The following PHF8 variants were observed in gnomAD, a reference collection of about 807,000 sequenced individuals.
PHF8 encodes histone lysine demethylase PHF8.
A neutral mutation model predicts 74.4 loss-of-function variants in PHF8; 9 were observed. The ratio of observed to expected loss-of-function variants is 0.12; its 90% CI spans 0.07 to 0.21. The LOEUF (loss-of-function observed/expected upper bound fraction) is 0.21, where lower values mean the gene tolerates loss of function less well. PHF8 is among the 10% of genes least tolerant of loss of function. PHF8 has a pLI of 1.00. For missense variants in PHF8, 478 were observed against 816.6 expected (o/e 0.59, Z 5.05); for synonymous variants, 311 against 316.6 (o/e 0.98, Z 0.19).
At chrX:54,016,759 G>A in intron 5 of PHF8, 23 bp from the exon 6 acceptor site, 1 of 1,174,754 alleles carries the variant, frequency 8.5e-7, no homozygotes, top group Non-Finnish European at 1.2e-6. Context: ...GATAGGTTCT[G>A]CACCAAGTAG....
At chrX:54,024,872 T>TTTTA (rs1399401622) in intron 2 of PHF8, among the ~76,000 whole-genome samples, 4 of 111,606 alleles carry the variant, frequency 3.6e-5, no homozygotes, top group Non-Finnish European at 5.6e-5. Flanking sequence ...TTTTTTAAAT[T>TTTTA]TTTATTTATT....
intron 4 of PHF8, among the ~76,000 whole-genome samples, chrX:54,019,965 A>G (rs1204096999): frequency 1.8e-5 from 2 of 109,479 alleles, no homozygotes; most frequent in Non-Finnish European, 3.8e-5. Flanking sequence ...CGGGTGGATC[A>G]CCTGAAGTCA....
intron 8 of PHF8, among the ~76,000 whole-genome samples, chrX:54,006,718 C>G (rs1557105420): frequency 9.0e-6 from 1 of 110,576 alleles, no homozygotes; most frequent in Non-Finnish European, 1.9e-5. Context: ...GGTGGATCAC[C>G]TGAGGTCTAG....
At chrX:54,023,052 T>G (rs2066204049) in intron 2 of PHF8, among the ~76,000 whole-genome samples, 1 of 112,135 alleles carries the variant, frequency 8.9e-6, no homozygotes, top group Admixed American at 9.5e-5. Flanking sequence ...CATGGCTCAC[T>G]GCAACCTCTG....
At chrX:54,047,277 G>T (rs1016506455), upstream of PHF8, among the ~76,000 whole-genome samples, 28 of 112,238 alleles carry the variant, frequency 2.5e-4, no homozygotes, top group African/African-American at 9.1e-4. Context: ...AGTGAAAGGG[G>T]TGTGAGTTCA....
intron 2 of PHF8, among the ~76,000 whole-genome samples, chrX:54,035,254 G>A (rs1259062613): frequency 9.2e-6 from 1 of 108,294 alleles, no homozygotes; most frequent in Non-Finnish European, 1.9e-5. Flanking sequence ...CTACTCGGGA[G>A]GCTAAGGTGG....
At chrX:53,957,174 G>A (rs181057495) in intron 19 of PHF8, among the ~76,000 whole-genome samples, 1,074 of 101,408 alleles carry the variant, frequency 0.011, 15 homozygotes, top group African/African-American at 0.04. Flanking sequence ...GTGAAATGCC[G>A]TCTCTACTAA....
chrX:54,046,107 C>T (rs1557117452), upstream of PHF8, among the ~76,000 whole-genome samples: 1 of 111,024 alleles, frequency 9.0e-6, no homozygotes, highest in Non-Finnish European at 1.9e-5. Flanking sequence ...CACCACCACA[C>T]TCGGTTATTT....
At chrX:54,020,568 A>G (rs1557109571) in intron 4 of PHF8, among the ~76,000 whole-genome samples, 1 of 112,254 alleles carries the variant, frequency 8.9e-6, no homozygotes, top group African/African-American at 3.2e-5. Context: ...TGTCAAAAAA[A>G]GGAATTAAAA....
intron 19 of PHF8, among the ~76,000 whole-genome samples, chrX:53,952,952 T>C (rs2064951449): frequency 9.4e-6 from 1 of 106,244 alleles, no homozygotes; most frequent in Admixed American, 1.0e-4. Context: ...TGGTATAAAT[T>C]AAGTTGTTAA....
At chrX:53,995,109 C>A (rs1557102421) in intron 12 of PHF8, 2 of 334,837 alleles carry the variant, frequency 6.0e-6, no homozygotes, top group African/African-American at 5.3e-5. Flanking sequence ...AACCAGAACC[C>A]AGGTTTCTCT....
At chrX:54,029,638 T>C (rs1557112126) in intron 2 of PHF8, among the ~76,000 whole-genome samples, 2 of 112,032 alleles carry the variant, frequency 1.8e-5, no homozygotes, top group East Asian at 2.8e-4. Flanking sequence ...CCCACACAAG[T>C]ACCCTGGGGC....
chrX:54,011,390 A>G, intron 7 of PHF8, 106 bp from the exon 8 acceptor site: 2 of 655,015 alleles, frequency 3.1e-6, no homozygotes, highest in Non-Finnish European at 4.9e-6. Context: ...AACGATGGCA[A>G]TATGCCAGAG....
intron 18 of PHF8, among the ~76,000 whole-genome samples, chrX:53,971,315 T>A (rs1278978678): frequency 9.0e-6 from 1 of 111,329 alleles, no homozygotes; most frequent in East Asian, 2.8e-4. Context: ...TGTATGAGAA[T>A]CTCTGGGATG....
intron 19 of PHF8, among the ~76,000 whole-genome samples, chrX:53,960,000 T>C (rs2065076527): frequency 9.1e-6 from 1 of 110,447 alleles, no homozygotes; most frequent in African/African-American, 3.3e-5. Flanking sequence ...TATGAGGTTG[T>C]CTCTTGGGAA....
Position 53,984,937 on chromosome X carries a change from G to A in PHF8, c.2420C>T (p.Ala807Val). The A allele has an allele frequency of 8.3e-7, 1 of 1,209,724 alleles. No homozygotes were observed. Among genetic ancestry groups the A allele is most frequent in the Non-Finnish European group, 1.1e-6 (1 of 894,070 alleles). Reference protein sequence around the residue: ...ASLDEQDSLGACFKDAEYIYP... With the variant: ...ASLDEQDSLGVCFKDAEYIYP... ...ACTATACTCTGCATCCTTGAAGCACGCTCCCAAGCTGTCCTGTTCATCCAG... is the reference window on the plus strand; with the variant it reads ...ACTATACTCTGCATCCTTGAAGCACACTCCCAAGCTGTCCTGTTCATCCAG... The change falls in exon 18 of 22, where the codon GCG becomes GTG. Residue 807 changes from alanine to valine, a missense_variant. By Grantham distance (64) the Ala-to-Val change is moderately conservative. Coordinates refer to ENST00000338154, the MANE Select transcript of PHF8 (RefSeq NM_015107.3).
At chrX:54,012,012 G>C (rs1375736204) in intron 7 of PHF8, among the ~76,000 whole-genome samples, 1 of 111,037 alleles carries the variant, frequency 9.0e-6, no homozygotes, top group Non-Finnish European at 1.9e-5. Flanking sequence ...GGAGAATTTT[G>C]AATCAGGTCT....
At position 54,044,294 on chromosome X, in the gene PHF8, G is replaced by T; in HGVS notation, c.-625C>A. The T allele has an allele frequency of 1.3e-6, 1 of 755,251 alleles. No individual in the cohort carries two copies. Among genetic ancestry groups the T allele is most frequent in the Non-Finnish European group, 1.6e-6 (1 of 639,414 alleles). 62.2% of individuals were successfully genotyped at this position (755,251 alleles called of 1,213,427 possible). Reference sequence around the variant, plus strand: ...GGCACACGGCCCGAAAAGTCGCTGGGAGAAGCCCAGTGGCGGTGGTAGGCA... The same window carrying T: ...GGCACACGGCCCGAAAAGTCGCTGGTAGAAGCCCAGTGGCGGTGGTAGGCA... On this transcript the variant is annotated 5_prime_UTR_variant, in exon 1 of 22. Transcript: ENST00000338154.
upstream of PHF8, chrX:54,044,927 C>T (rs782139874): frequency 5.3e-6 from 6 of 1,124,334 alleles, no homozygotes; most frequent in East Asian, 1.3e-4. Flanking sequence ...TTCCCACGGT[C>T]TCTGCGTTGT....
Sources: gnomAD v4.1 joint callset for allele counts (sites outside exome capture counted in the v4.1 genomes callset) on GRCh38, gnomAD v4.1.1 for gene constraint, MANE v1.5 for transcripts, NCBI Gene and HGNC (gene_info 2026-07-23, HGNC 2026-07-21) for gene names.